The following MAGI2 variants were observed in gnomAD, a reference collection of about 807,000 sequenced individuals.
MAGI2 encodes membrane associated guanylate kinase, WW and PDZ domain containing 2.
A neutral mutation model predicts 133.3 loss-of-function variants in MAGI2; 35 were observed. The ratio of observed to expected loss-of-function variants is 0.26; its 90% CI spans 0.20 to 0.35. The LOEUF is 0.35. Among genes scored for constraint, MAGI2 ranks in the 10% least tolerant of loss-of-function variants. The pLI, the probability that MAGI2 is intolerant of heterozygous loss-of-function variation, is 1.00. For missense variants in MAGI2, 1,636 were observed against 1,863.4 expected, an observed-to-expected ratio of 0.88 and a Z score of 2.25; for synonymous variants, 729 against 710.6, an observed-to-expected ratio of 1.03 and a Z score of -0.41.
intron 3 of MAGI2, among the ~76,000 whole-genome samples, chr7:78,527,022 A>AAG (rs1554457480): frequency 7.4e-5 from 11 of 148,370 alleles, no homozygotes; most frequent in African/African-American, 2.0e-4. Flanking sequence ...AAAAAAAAAA[A>AAG]AAAAAAAAAA....
intron 1 of MAGI2, among the ~76,000 whole-genome samples, chr7:79,208,846 G>T (rs1211539695): frequency 1.3e-5 from 2 of 151,876 alleles, no homozygotes; most frequent in Non-Finnish European, 2.9e-5. Flanking sequence ...GTATAATTTG[G>T]CCATAAAAAT....
intron 21 of MAGI2, among the ~76,000 whole-genome samples, chr7:78,043,097 T>G (rs1456798099): frequency 6.6e-6 from 1 of 152,244 alleles, no homozygotes; most frequent in Non-Finnish European, 1.5e-5. Flanking sequence ...TTCCTAAATG[T>G]TAAATGTTAA....
chr7:78,769,176 A>T (rs1825325776), intron 2 of MAGI2, among the ~76,000 whole-genome samples: 2 of 152,172 alleles, frequency 1.3e-5, no homozygotes, highest in Non-Finnish European at 2.9e-5. Flanking sequence ...TGCACAATGG[A>T]TCACAATGCT....
At chr7:78,853,795 C>T (rs192529736) in intron 2 of MAGI2, among the ~76,000 whole-genome samples, 150 of 152,024 alleles carry the variant, frequency 9.9e-4, no homozygotes, top group Admixed American at 6.6e-4. Context: ...CCACATTCAC[C>T]CCTCTCTTGG....
intron 11 of MAGI2, among the ~76,000 whole-genome samples, chr7:78,197,201 T>C (rs1180198738): frequency 6.6e-6 from 1 of 152,374 alleles, no homozygotes; most frequent in African/African-American, 2.4e-5. Flanking sequence ...CTTGCCATGA[T>C]GTGGAAGGCC....
At chr7:79,312,066 A>G (rs1368757486) in intron 1 of MAGI2, among the ~76,000 whole-genome samples, 1 of 152,184 alleles carries the variant, frequency 6.6e-6, no homozygotes, top group Non-Finnish European at 1.5e-5. Context: ...CATGTCACTC[A>G]TCTGTTCAAA....
intron 8 of MAGI2, chr7:78,345,693 GACATGCTGT>G (rs1435633255): frequency 4.0e-6 from 2 of 498,792 alleles, no homozygotes; most frequent in African/African-American, 2.0e-5. Flanking sequence ...TCCACGTGGT[GACATGCTGT>G]ACATTCCTAT....
intron 4 of MAGI2, among the ~76,000 whole-genome samples, chr7:78,510,586 G>A (rs73376232): frequency 3.3e-4 from 50 of 152,206 alleles, no homozygotes; most frequent in African/African-American, 1.2e-3. Flanking sequence ...GTCAGAAAAG[G>A]ATATACATAA....
chr7:78,893,048 C>A (rs1197677817), intron 2 of MAGI2, among the ~76,000 whole-genome samples: 5 of 151,912 alleles, frequency 3.3e-5, no homozygotes, highest in Non-Finnish European at 7.4e-5. Flanking sequence ...AAACAAACAA[C>A]CCCATCAAAA....
chr7:79,385,420 A>G (rs1844104904), intron 1 of MAGI2, among the ~76,000 whole-genome samples: 2 of 151,898 alleles, frequency 1.3e-5, no homozygotes, highest in African/African-American at 2.4e-5. Flanking sequence ...GAATTTTAAA[A>G]TATTTTTTCT....
At chr7:79,185,933 A>C (rs1827045815) in intron 1 of MAGI2, among the ~76,000 whole-genome samples, 1 of 151,750 alleles carries the variant, frequency 6.6e-6, no homozygotes, top group Non-Finnish European at 1.5e-5. Context: ...TTGTACAGAC[A>C]TCAGCCTGTA....
At chr7:78,122,594 T>C (rs1485137740) in intron 20 of MAGI2, among the ~76,000 whole-genome samples, 2 of 152,216 alleles carry the variant, frequency 1.3e-5, no homozygotes, top group African/African-American at 4.8e-5. Context: ...GATGAAGTTA[T>C]GAAATAATGT....
In MAGI2 at chr7:78,645,640, G is replaced by T. The variant is rs564598357; in HGVS notation, c.419-18401C>A. 6.8e-5 allele frequency among the ~76,000 whole-genome samples: 10 copies of T among 147,450 alleles called. No individual in the cohort carries two copies. The East Asian group carries it at 1.4e-3, about 21-fold the overall frequency. On this transcript the variant is annotated intron_variant, in intron 2 of 21. Coordinates refer to ENST00000354212, the MANE Select transcript of MAGI2 (RefSeq NM_012301.4). ...TTAACTATTTTGCAGATATAAGTGT[G>T]GTGTGTGTGTGTGTGTGTGTGTGTG...
intron 2 of MAGI2, among the ~76,000 whole-genome samples, chr7:78,826,047 A>G (rs1170726420): frequency 2.0e-5 from 3 of 152,138 alleles, no homozygotes; most frequent in African/African-American, 7.2e-5. Context: ...AAACATATGG[A>G]TGAGTTTTAA....
In MAGI2 at chr7:78,079,022, T is replaced by C. The variant is rs1188643948; in HGVS notation, c.3631A>G (p.Ile1211Val). 1 of 1,614,056 alleles carries C rather than the reference T, an allele frequency of 6.2e-7. No individual in the cohort carries two copies. The part of the protein sequence containing the change: ...STRDMTHARA[I>V]ELIKSGGRRV... Reference sequence around the variant, plus strand: ...CTTCCTCCAGATTTGATGAGTTCTATTGCTCTGGCATGTGTCATGTCCCTT... The same window carrying C: ...CTTCCTCCAGATTTGATGAGTTCTACTGCTCTGGCATGTGTCATGTCCCTT... Residue 1211 changes from isoleucine (I) to valine (V), a missense_variant, in exon 21 of 22, where the codon ATA (isoleucine) becomes GTA (valine). This residue lies in a region of MAGI2 where 49 missense variants were observed against 103.8 expected (regional missense o/e 0.47). Coordinates refer to ENST00000354212, the MANE Select transcript of MAGI2 (RefSeq NM_012301.4).
At chr7:79,086,917 T>C (rs1284989025) in intron 1 of MAGI2, among the ~76,000 whole-genome samples, 1 of 151,772 alleles carries the variant, frequency 6.6e-6, no homozygotes, top group Non-Finnish European at 1.5e-5. Flanking sequence ...ACATTTCTCT[T>C]AGTTGAACTC....
intron 10 of MAGI2, among the ~76,000 whole-genome samples, chr7:78,239,542 GAACTCAAAT>G (rs372128671): frequency 2.9e-5 from 4 of 135,898 alleles, no homozygotes; most frequent in African/African-American, 7.4e-5. Flanking sequence ...AATATATAAG[GAACTCAAAT>G]AACTCAATAG....
intron 16 of MAGI2, among the ~76,000 whole-genome samples, chr7:78,150,507 G>A (rs1261922382): frequency 6.6e-6 from 1 of 152,232 alleles, no homozygotes; most frequent in Non-Finnish European, 1.5e-5. Context: ...TGAACCTAAT[G>A]TGGGAGAGTG....
chr7:78,593,833 T>G (rs536771220), intron 3 of MAGI2, among the ~76,000 whole-genome samples: 2 of 152,212 alleles, frequency 1.3e-5, no homozygotes, highest in South Asian at 2.1e-4. Context: ...TGACTAAAAA[T>G]TGTCCAAGGT....
Sources: allele counts gnomAD v4.1 joint callset (sites outside exome capture counted in the v4.1 genomes callset), GRCh38; gene constraint gnomAD v4.1.1; regional missense constraint gnomAD v4.1.1; transcripts MANE v1.5; gene names NCBI Gene and HGNC (gene_info 2026-07-23, HGNC 2026-07-21).